Variants in TRIM67 observed in about 807,000 individuals in gnomAD.
TRIM67 encodes the protein tripartite motif containing 67.
TRIM67 carries 39 observed loss-of-function variants against 71.0 expected under a neutral mutation model. The ratio of observed to expected loss-of-function variants is 0.55; its 90% CI spans 0.43 to 0.72. The LOEUF (loss-of-function observed/expected upper bound fraction) is 0.72. TRIM67 is among the 30% of genes least tolerant of loss of function. The pLI is 0.00. For missense variants in TRIM67, 973 were observed against 1,079.2 expected (o/e 0.90, Z 1.38); for synonymous variants, 481 against 473.9 (o/e 1.01, Z -0.19).
At chr1:231,171,628 A>C (rs1682621568) in intron 1 of TRIM67, among the ~76,000 whole-genome samples, 1 of 152,128 alleles carries the variant, frequency 6.6e-6, no homozygotes, top group South Asian at 2.1e-4. Flanking sequence ...CCAAGTTTGG[A>C]ATTTCCTTTT....
chr1:231,197,424 G>T lies in TRIM67; in HGVS notation c.1098G>T (p.Lys366Asn), dbSNP rs758387844. 3.0e-5 allele frequency: 48 copies of T among 1,613,928 alleles called. No individual in the cohort carries two copies. Among genetic ancestry groups the T allele is most frequent in the Admixed American group, 5.0e-5 (3 of 60,012 alleles). Residue 366 changes from lysine (K) to asparagine (N), a missense_variant, in exon 2 of 10, where the codon AAG becomes AAT. Lys to Asn is a moderately conservative substitution (Grantham distance 94, BLOSUM62 0). Coordinates refer to ENST00000366653, the MANE Select transcript of TRIM67 (RefSeq NM_001004342.5). ...NGVSDKAKEA[K>N]EFLVQLKNIL... Reference sequence around the variant, plus strand: ...TTTCAGATAAGGCAAAGGAAGCAAAGGAGTTTCTGGTTCAGCTAAAGAACA... The same window carrying T: ...TTTCAGATAAGGCAAAGGAAGCAAATGAGTTTCTGGTTCAGCTAAAGAACA...
chr1:231,217,597 A>C lies in TRIM67; in HGVS notation c.*2157A>C. The C allele has an allele frequency of 9.5e-7, 1 of 1,057,100 alleles. No individual in the cohort carries two copies. The highest frequency in any genetic ancestry group is 1.2e-6 in the Non-Finnish European group (1 of 868,556). The allele number at this position is 1,057,100 out of a possible 1,614,324, so 65.5% of individuals were successfully genotyped here. On this transcript the variant is annotated 3_prime_UTR_variant, in exon 10 of 10. Transcript: ENST00000366653. ...GTGTCTAGCTCTCTTCTGAAAAAAA[A>C]ACAGGCCTACACCCTGCCCCCAGAA...
intron 1 of TRIM67, chr1:231,187,734 G>T (rs1461467769): frequency 1.6e-6 from 1 of 630,132 alleles, no homozygotes; most frequent in Non-Finnish European, 2.7e-6. Flanking sequence ...AAGCCACGTG[G>T]CTGGGTAGCC....
chr1:231,199,095 C>T lies in TRIM67; in HGVS notation c.1189C>T (p.Leu397Phe). 1 of 1,614,000 alleles carries T rather than the reference C, an allele frequency of 6.2e-7. No individual in the cohort carries two copies. Residue 397 changes from leucine to phenylalanine, a missense_variant, in exon 3 of 10, where the codon CTT becomes TTT. By Grantham distance (22) the Leu-to-Phe change is conservative. Around this residue, in one of 2 missense-constraint regions of TRIM67, gnomAD observed 795 missense variants for 831.3 expected, o/e 0.96. Coordinates refer to ENST00000366653, the MANE Select transcript of TRIM67 (RefSeq NM_001004342.5). ...CTGCCTCGTTGCTCAGTGTGATGCC[C>T]TTGTGGATGCTTTAACTCGTCAGAA... Reference protein sequence around the residue: ...EACLVAQCDALVDALTRQKAK... With the variant: ...EACLVAQCDAFVDALTRQKAK...
At chr1:231,202,968 G>C (rs1307954507) in intron 5 of TRIM67, among the ~76,000 whole-genome samples, 1 of 152,156 alleles carries the variant, frequency 6.6e-6, no homozygotes, top group Non-Finnish European at 1.5e-5. Context: ...TGGCTGGTCA[G>C]CGTTCAGAGA....
intron 1 of TRIM67, among the ~76,000 whole-genome samples, chr1:231,172,682 C>A (rs899690829): frequency 6.6e-6 from 1 of 152,236 alleles, no homozygotes; most frequent in African/African-American, 2.4e-5. Context: ...TCTGTCCAGA[C>A]GGTGCATAGT....
At chr1:231,184,900 G>A (rs1683017813) in intron 1 of TRIM67, 3 of 911,948 alleles carry the variant, frequency 3.3e-6, no homozygotes, top group African/African-American at 1.7e-5. Context: ...AAGAAACTAG[G>A]TCACGTAAAA....
chr1:231,196,078 G>T (rs1458907137), intron 1 of TRIM67, among the ~76,000 whole-genome samples: 1 of 152,182 alleles, frequency 6.6e-6, no homozygotes, highest in African/African-American at 2.4e-5. Flanking sequence ...ACATGGAGAT[G>T]GACAGCAAAC....
chr1:231,202,065 A>ATAG, intron 5 of TRIM67, among the ~76,000 whole-genome samples: 1 of 4,842 alleles, frequency 2.1e-4, no homozygotes, highest in Non-Finnish European at 3.6e-4. Context: ...GGAGGAGGAG[A>ATAG]TGGAGGAGGA....
In TRIM67 at chr1:231,163,747, C is replaced by G. The variant is rs941586963; in HGVS notation, c.778C>G (p.Pro260Ala). 2.0e-6 allele frequency: 3 copies of G among 1,493,258 alleles called. No individual in the cohort carries two copies. The highest frequency in any genetic ancestry group is 2.7e-6 in the Non-Finnish European group (3 of 1,121,752). The allele number at this position is 1,493,258 out of a possible 1,614,324, so 92.5% of individuals were successfully genotyped here. Residue 260 changes from proline to alanine, a missense_variant, in exon 1 of 10, where the codon CCC (proline) becomes GCC (alanine). Pro to Ala is a conservative substitution (Grantham distance 27). Transcript: ENST00000366653. Reference sequence around the variant, plus strand: ...GCAGCCGCCGCCGCCGCCGCCGCCGCCCGCCGAGGCAGCCTCCGGGCCCAC... The same window carrying G: ...GCAGCCGCCGCCGCCGCCGCCGCCGGCCGCCGAGGCAGCCTCCGGGCCCAC... ...LVQPPPPPPP[P>A]AEAASGPTGT...
In TRIM67 at chr1:231,221,256, C is replaced by G. The variant is rs1684131617; in HGVS notation, c.*5816C>G. The G allele has an allele frequency of 6.6e-6, 1 of 152,576 alleles. No homozygotes were observed. Among genetic ancestry groups the G allele is most frequent in the Non-Finnish European group, 1.5e-5 (1 of 68,044 alleles). The allele number at this position is 152,576 out of a possible 1,614,324, so 9.5% of individuals were successfully genotyped here. Reference sequence around the variant, plus strand: ...GCCTTTCTTTATCCCCATTTCTCCTCCCTCCCCTTCCCCCATCACATCCAC... The same window carrying G: ...GCCTTTCTTTATCCCCATTTCTCCTGCCTCCCCTTCCCCCATCACATCCAC... On this transcript the variant is annotated 3_prime_UTR_variant, in exon 10 of 10. Transcript: ENST00000366653.
In TRIM67 at chr1:231,185,876, G is replaced by A. The variant is rs137927811; in HGVS notation, c.1045-11495G>A. Among the ~76,000 whole-genome samples, 151 of 151,966 alleles carry A rather than the reference G, an allele frequency of 9.9e-4. 2 individuals are homozygous for A. Among genetic ancestry groups the A allele is most frequent in the African/African-American group, 3.3e-3 (137 of 41,260 alleles). On this transcript the variant is annotated intron_variant, in intron 1 of 9. Coordinates refer to ENST00000366653, the MANE Select transcript of TRIM67 (RefSeq NM_001004342.5). ...TCATGGAGTCTGGGGGGAAGACTTCGTGGAAAAGGAGGATTTGAGTTGGAC... is the reference window on the plus strand; with the variant it reads ...TCATGGAGTCTGGGGGGAAGACTTCATGGAAAAGGAGGATTTGAGTTGGAC...
Position 231,162,711 on chromosome 1 carries a change from C to G in TRIM67, c.-259C>G. 1 of 490,970 alleles carries G rather than the reference C, an allele frequency of 2.0e-6. No homozygotes were observed. The highest frequency in any genetic ancestry group is 3.6e-6 in the Non-Finnish European group (1 of 280,900). 30.4% of individuals were successfully genotyped at this position (490,970 alleles called of 1,614,324 possible). Reference sequence around the variant, plus strand: ...GCAGCCGACCGGCTCCGGAATCTGGCCGCAGGTTGAAGCCGCTGGTGCGGG... The same window carrying G: ...GCAGCCGACCGGCTCCGGAATCTGGGCGCAGGTTGAAGCCGCTGGTGCGGG... On this transcript the variant is annotated 5_prime_UTR_variant, in exon 1 of 10. Coordinates refer to ENST00000366653, the MANE Select transcript of TRIM67 (RefSeq NM_001004342.5).
At chr1:231,193,593 A>G (rs1247442525) in intron 1 of TRIM67, among the ~76,000 whole-genome samples, 5 of 144,574 alleles carry the variant, frequency 3.5e-5, no homozygotes, top group African/African-American at 1.3e-4. Context: ...ATCTTAGTCC[A>G]TTTGCATTGC....
intron 4 of TRIM67, 110 bp downstream of exon 4, chr1:231,200,368 T>C: frequency 1.5e-6 from 1 of 676,072 alleles, no homozygotes; most frequent in South Asian, 1.7e-5. Flanking sequence ...ATTGAGTAGA[T>C]TCTCCTTTGT....
Position 231,219,360 on chromosome 1 carries a change from A to C in TRIM67, c.*3920A>C, listed in dbSNP as rs1684087939. The C allele has an allele frequency of 1.0e-6, 1 of 987,340 alleles. No individual in the cohort carries two copies. The allele number at this position is 987,340 out of a possible 1,614,324, so 61.2% of individuals were successfully genotyped here. The stretch of plus-strand genomic sequence containing the variant: ...GGGCCTCCACAAGTTGAGAACCACC[A>C]GGTTATGCCAGTGGTTTGTCATGCA... On this transcript the variant is annotated 3_prime_UTR_variant, in exon 10 of 10. Transcript: ENST00000366653.
chr1:231,163,258 G>A lies in TRIM67; in HGVS notation c.289G>A (p.Asp97Asn). The A allele has an allele frequency of 6.6e-7, 1 of 1,513,016 alleles. No individual in the cohort carries two copies. Among genetic ancestry groups the A allele is most frequent in the East Asian group, 2.7e-5 (1 of 36,714 alleles). 93.7% of individuals were successfully genotyped at this position (1,513,016 alleles called of 1,614,324 possible). A position where few individuals can be genotyped will look rare whatever the true frequency, so the allele number is the denominator to read the frequency against. ...CGGCGGCGGTGCGGGAGGTGGCGGA[G>A]ACCACGCGGACAAGCTCAGCTTGTA... ...GLGGGAGGGG[D>N]HADKLSLYSE... Residue 97 changes from aspartate (D) to asparagine (N), a missense_variant, in exon 1 of 10, where the codon GAC becomes AAC. Asp to Asn is a conservative substitution (Grantham distance 23). Transcript: ENST00000366653.
chr1:231,166,089 C>T (rs1275671220), intron 1 of TRIM67, among the ~76,000 whole-genome samples: 1 of 152,222 alleles, frequency 6.6e-6, no homozygotes, highest in Non-Finnish European at 1.5e-5. Context: ...TATCCTCAGC[C>T]AACAATGCAA....
intron 1 of TRIM67, among the ~76,000 whole-genome samples, chr1:231,179,823 C>A (rs1269487570): frequency 6.6e-6 from 1 of 152,074 alleles, no homozygotes; most frequent in African/African-American, 2.4e-5. Flanking sequence ...ATTTTAGATT[C>A]CAGGTGTGAG....
Sources: allele counts gnomAD v4.1 joint callset (sites outside exome capture counted in the v4.1 genomes callset), GRCh38; gene constraint gnomAD v4.1.1; regional missense constraint gnomAD v4.1.1; transcripts MANE v1.5; gene names NCBI Gene and HGNC (gene_info 2026-07-23, HGNC 2026-07-21).